Variants in GPC4 observed in about 807,000 individuals in gnomAD.
The protein encoded by GPC4 is glypican-4.
GPC4 carries 10 observed loss-of-function variants against 35.0 expected under a neutral mutation model. The observed-to-expected ratio is 0.29, with a 90% confidence interval of 0.18 to 0.48. The LOEUF (loss-of-function observed/expected upper bound fraction) is 0.48, where lower values mean the gene tolerates loss of function less well. GPC4 is among the 20% of genes least tolerant of loss of function. GPC4 has a pLI of 0.99. For synonymous variants in GPC4, 167 were observed against 170.2 expected, an observed-to-expected ratio of 0.98 and a Z score of 0.15; for missense variants, 322 against 451.3, an observed-to-expected ratio of 0.71 and a Z score of 2.60.
At chrX:133,394,221 G>C (rs942530256) in intron 1 of GPC4, among the ~76,000 whole-genome samples, 1 of 109,726 alleles carries the variant, frequency 9.1e-6, no homozygotes, top group African/African-American at 3.3e-5. Flanking sequence ...AGTGAGCCGA[G>C]ACTGCGCCAC....
chrX:133,370,128 C>T (rs1170803457), intron 1 of GPC4, among the ~76,000 whole-genome samples: 2 of 111,785 alleles, frequency 1.8e-5, no homozygotes, highest in African/African-American at 6.5e-5. Flanking sequence ...GAAGAGCACG[C>T]CTCAAAACCC....
At chrX:133,346,793 G>A (rs949541435) in intron 1 of GPC4, among the ~76,000 whole-genome samples, 2 of 111,647 alleles carry the variant, frequency 1.8e-5, no homozygotes, top group African/African-American at 3.3e-5. Context: ...ACACTGCTAA[G>A]TGAAAAAAAT....
At chrX:133,350,872 G>C (rs942741132) in intron 1 of GPC4, among the ~76,000 whole-genome samples, 1 of 111,954 alleles carries the variant, frequency 8.9e-6, no homozygotes. Context: ...GGGCAGATGA[G>C]GGAGAGGCAG....
intron 2 of GPC4, among the ~76,000 whole-genome samples, chrX:133,327,378 C>A (rs1160922623): frequency 9.0e-6 from 1 of 111,519 alleles, no homozygotes; most frequent in Non-Finnish European, 1.9e-5. Flanking sequence ...AAAGTTTAGC[C>A]TTTTGACAAA....
intron 1 of GPC4, among the ~76,000 whole-genome samples, chrX:133,387,989 T>C (rs1049183106): frequency 7.1e-5 from 8 of 112,025 alleles, no homozygotes; most frequent in African/African-American, 2.6e-4. Flanking sequence ...TCCCACAACT[T>C]TGTGTTGTCT....
At chrX:133,351,751 C>T (rs1391287226) in intron 1 of GPC4, among the ~76,000 whole-genome samples, 1 of 111,782 alleles carries the variant, frequency 8.9e-6, no homozygotes, top group Non-Finnish European at 1.9e-5. Context: ...TTTACCACTT[C>T]GTGAACTAGT....
chrX:133,332,970 T>C (rs1330354784), intron 2 of GPC4, among the ~76,000 whole-genome samples: 2 of 112,620 alleles, frequency 1.8e-5, no homozygotes, highest in Non-Finnish European at 3.7e-5. Context: ...TGTGTCCATG[T>C]ACCATCCTTG....
rs753104135 is a variant in GPC4 at position 133,414,790 on chromosome X, G to A, written c.160+16C>T. The stretch of plus-strand genomic sequence containing the variant: ...GTGTCGGTCTCTGCGCCCACCTCCC[G>A]GGTGTGCCCACCTACCGTTGATCTC... On this transcript the variant is annotated intron_variant, in intron 1 of 8. Coordinates refer to ENST00000370828, the MANE Select transcript of GPC4 (RefSeq NM_001448.3). 3 of 1,207,203 alleles carry A rather than the reference G, an allele frequency of 2.5e-6. No homozygotes were observed. In the South Asian group the frequency reaches 5.3e-5, roughly 21 times the overall value.
At chrX:133,400,822 C>T (rs1812386728) in intron 1 of GPC4, among the ~76,000 whole-genome samples, 1 of 106,269 alleles carries the variant, frequency 9.4e-6, no homozygotes, top group Non-Finnish European at 1.9e-5. Flanking sequence ...AGGCAAAGCC[C>T]CTGCCCACAG....
chrX:133,347,259 T>TG (rs1392166804), intron 1 of GPC4, among the ~76,000 whole-genome samples: 4 of 91,399 alleles, frequency 4.4e-5, no homozygotes, highest in Admixed American at 1.2e-4. Flanking sequence ...TTTTTTTTTT[T>TG]TTTTTTTTTT....
chrX:133,322,005 T>C (rs964649109), intron 3 of GPC4, among the ~76,000 whole-genome samples: 1 of 111,922 alleles, frequency 8.9e-6, no homozygotes, highest in Admixed American at 9.5e-5. Flanking sequence ...AATTCTAATA[T>C]GAAAAATCCC....
chrX:133,356,326 C>A lies in GPC4; in HGVS notation c.161-16985G>T, dbSNP rs1016758878. On this transcript the variant is annotated intron_variant, in intron 1 of 8. Transcript: ENST00000370828. ...GTGGCGCAATCTCAGCTCACTGCAA[C>A]CTCCACCTCCTGGGTTCAAGTGATT... 8.1e-5 allele frequency among the ~76,000 whole-genome samples: 9 copies of A among 111,311 alleles called. No homozygotes were observed. The East Asian group carries it at 2.6e-3, about 32-fold the overall frequency.
At position 133,372,159 on chromosome X, in the gene GPC4, G is replaced by A. The variant is rs984607916; in HGVS notation, c.161-32818C>T. 8.4e-5 allele frequency among the ~76,000 whole-genome samples: 9 copies of A among 106,747 alleles called. No homozygotes were observed. In the Admixed American group the frequency reaches 9.1e-4, roughly 11 times the overall value. 92.7% of individuals were successfully genotyped at this position (106,747 alleles called of 115,157 possible). A position where few individuals can be genotyped will look rare whatever the true frequency, so the allele number is the denominator to read the frequency against. On this transcript the variant is annotated intron_variant, in intron 1 of 8. Transcript: ENST00000370828. ...GAGGATCGCTTGAACCTGAGAGGTG[G>A]AGGTTGCTGTGAGCCAAGATTGTGC...
At chrX:133,412,841 G>A (rs2068818586) in intron 1 of GPC4, among the ~76,000 whole-genome samples, 1 of 112,071 alleles carries the variant, frequency 8.9e-6, no homozygotes. Flanking sequence ...CACAGCGAAA[G>A]ACTGCACAGA....
At chrX:133,356,258 T>C (rs1030607678) in intron 1 of GPC4, among the ~76,000 whole-genome samples, 26 of 111,180 alleles carry the variant, frequency 2.3e-4, no homozygotes, top group African/African-American at 2.0e-4. Context: ...ATTCTTTTTT[T>C]ATTAGAGATG....
chrX:133,315,018 T>C (rs1445905628), intron 3 of GPC4, among the ~76,000 whole-genome samples: 1 of 110,353 alleles, frequency 9.1e-6, no homozygotes, highest in African/African-American at 3.3e-5. Flanking sequence ...GAGCCAAAAG[T>C]ATGCCACCAC....
intron 1 of GPC4, among the ~76,000 whole-genome samples, chrX:133,407,520 CT>C (rs923306803): frequency 1.8e-5 from 2 of 111,535 alleles, no homozygotes. Context: ...TATCCTCATG[CT>C]TTTTTTTCCA....
chrX:133,312,055 T>C (rs1429054070), intron 3 of GPC4, among the ~76,000 whole-genome samples: 1 of 111,268 alleles, frequency 9.0e-6, no homozygotes, highest in Admixed American at 9.6e-5. Context: ...GTGTGAAGGT[T>C]TTCCAAGGCT....
intron 1 of GPC4, chrX:133,414,480 T>C: frequency 2.7e-6 from 2 of 752,039 alleles, no homozygotes; most frequent in African/African-American, 2.3e-5. Context: ...GCCACAGTCC[T>C]CAGGGGCTTC....
Sources: allele counts gnomAD v4.1 joint callset (sites outside exome capture counted in the v4.1 genomes callset), GRCh38; gene constraint gnomAD v4.1.1; transcripts MANE v1.5; gene names NCBI Gene and HGNC (gene_info 2026-07-23, HGNC 2026-07-21).